Variants in CDH12 observed in about 807,000 individuals in gnomAD.
CDH12 encodes cadherin 12.
Under a neutral mutation model 74.1 loss-of-function variants are expected in CDH12, and 41 were observed. That is an observed-to-expected ratio of 0.55 (90% CI 0.43 to 0.72). The LOEUF (loss-of-function observed/expected upper bound fraction) is 0.72, where lower values mean the gene tolerates loss of function less well. Among genes scored for constraint, CDH12 ranks in the 30% least tolerant of loss-of-function variants. The pLI, the probability that CDH12 is intolerant of heterozygous loss-of-function variation, is 0.00. For synonymous variants in CDH12, 399 were observed against 355.0 expected (o/e 1.12, Z -1.39); for missense variants, 945 against 977.2 (o/e 0.97, Z 0.44).
At chr5:22,242,558 C>G (rs912311219) in intron 3 of CDH12, among the ~76,000 whole-genome samples, 18 of 152,152 alleles carry the variant, frequency 1.2e-4, no homozygotes, top group South Asian at 4.1e-4. Context: ...ATGTTAGGAC[C>G]AGAAATCACT....
At chr5:22,545,948 T>A (rs1738307306) in intron 1 of CDH12, among the ~76,000 whole-genome samples, 1 of 152,088 alleles carries the variant, frequency 6.6e-6, no homozygotes, top group East Asian at 1.9e-4. Context: ...GTTGTTGTTG[T>A]TGTTGTTGCT....
chr5:21,847,336 T>C (rs1467923931), intron 7 of CDH12, among the ~76,000 whole-genome samples: 1 of 152,118 alleles, frequency 6.6e-6, no homozygotes, highest in Non-Finnish European at 1.5e-5. Context: ...CAAAATTTCT[T>C]TCTAAATTAA....
chr5:22,446,245 G>A (rs1176328017), intron 2 of CDH12, among the ~76,000 whole-genome samples: 9 of 151,990 alleles, frequency 5.9e-5, no homozygotes, highest in Admixed American at 3.3e-4. Context: ...TTGATTCGAC[G>A]GTCATCTGCA....
At chr5:22,606,189 C>A (rs1737105998) in intron 1 of CDH12, among the ~76,000 whole-genome samples, 1 of 152,140 alleles carries the variant, frequency 6.6e-6, no homozygotes, top group Non-Finnish European at 1.5e-5. Flanking sequence ...AGTACCAGAT[C>A]TTTGAATTTA....
At chr5:21,871,961 T>C (rs1221954472) in intron 6 of CDH12, among the ~76,000 whole-genome samples, 1 of 152,164 alleles carries the variant, frequency 6.6e-6, no homozygotes, top group African/African-American at 2.4e-5. Flanking sequence ...ATAATAATGA[T>C]ATTGGATCAC....
At chr5:22,508,277 T>C (rs1050427285) in intron 1 of CDH12, among the ~76,000 whole-genome samples, 1 of 152,182 alleles carries the variant, frequency 6.6e-6, no homozygotes, top group Non-Finnish European at 1.5e-5. Flanking sequence ...AGTCATCCCC[T>C]ACAAACCATC....
chr5:22,114,725 G>T (rs1388568674), intron 4 of CDH12, among the ~76,000 whole-genome samples: 1 of 152,110 alleles, frequency 6.6e-6, no homozygotes, highest in Non-Finnish European at 1.5e-5. Flanking sequence ...TGTACATAAG[G>T]ATTCTATTTG....
At chr5:22,391,298 A>G (rs781112588) in intron 3 of CDH12, among the ~76,000 whole-genome samples, 1 of 152,224 alleles carries the variant, frequency 6.6e-6, no homozygotes, top group Non-Finnish European at 1.5e-5. Context: ...CAAAACTCAA[A>G]GGCAAGATAA....
chr5:21,798,315 T>C (rs1746910086), intron 10 of CDH12, among the ~76,000 whole-genome samples: 1 of 151,952 alleles, frequency 6.6e-6, no homozygotes, highest in African/African-American at 2.4e-5. Context: ...TATATGGTTT[T>C]CTGGAACTTA....
At chr5:22,559,877 T>C (rs1738964725) in intron 1 of CDH12, among the ~76,000 whole-genome samples, 1 of 152,192 alleles carries the variant, frequency 6.6e-6, no homozygotes. Context: ...ATGTCATACA[T>C]GATGTAATCC....
intron 3 of CDH12, among the ~76,000 whole-genome samples, chr5:22,347,336 A>T (rs1314369474): frequency 1.3e-5 from 2 of 152,160 alleles, no homozygotes; most frequent in African/African-American, 2.4e-5. Context: ...CTGACTGGCT[A>T]AGTCTCTGGC....
intron 5 of CDH12, among the ~76,000 whole-genome samples, chr5:22,048,675 GGAGAAT>G (rs1227865565): frequency 2.0e-5 from 3 of 152,046 alleles, no homozygotes; most frequent in African/African-American, 4.8e-5. Flanking sequence ...AATTGTGAGA[GGAGAAT>G]GAGAATGAGT....
At chr5:22,830,766 ATTAAC>A (rs1449743066) in intron 1 of CDH12, among the ~76,000 whole-genome samples, 3 of 151,694 alleles carry the variant, frequency 2.0e-5, no homozygotes, top group Admixed American at 6.6e-5. Context: ...ATTTTATTAT[ATTAAC>A]TTAATTTTAA....
chr5:22,791,842 G>A (rs1035923182), intron 1 of CDH12, among the ~76,000 whole-genome samples: 1 of 152,014 alleles, frequency 6.6e-6, no homozygotes, highest in Non-Finnish European at 1.5e-5. Context: ...GGGGAAATCC[G>A]CCTCTGTGAT....
chr5:22,666,542 G>C (rs1039741282), intron 1 of CDH12, among the ~76,000 whole-genome samples: 1 of 151,736 alleles, frequency 6.6e-6, no homozygotes, highest in East Asian at 1.9e-4. Context: ...CGCCCACCTC[G>C]GCCTCCCAAA....
intron 2 of CDH12, among the ~76,000 whole-genome samples, chr5:22,411,164 A>G (rs1580619250): frequency 6.6e-6 from 1 of 152,114 alleles, no homozygotes; most frequent in African/African-American, 2.4e-5. Flanking sequence ...AATCAAAATA[A>G]TGAGTTTATT....
chr5:21,913,612 A>T (rs1753959006), intron 6 of CDH12, among the ~76,000 whole-genome samples: 1 of 152,130 alleles, frequency 6.6e-6, no homozygotes, highest in Non-Finnish European at 1.5e-5. Context: ...ACATATATAA[A>T]ATATTATACA....
chr5:22,003,770 G>A (rs1489553944), intron 5 of CDH12, among the ~76,000 whole-genome samples: 27 of 72,926 alleles, frequency 3.7e-4, no homozygotes, highest in African/African-American at 1.3e-3. Flanking sequence ...ATAAATAAAT[G>A]TTTATTTGTT....
chr5:22,844,541 T>C (rs1217757885), intron 1 of CDH12, among the ~76,000 whole-genome samples: 7 of 152,144 alleles, frequency 4.6e-5, no homozygotes, highest in Admixed American at 1.3e-4. Flanking sequence ...ATAGCTAACA[T>C]CCTTTGGTGT....
Sources: gnomAD v4.1 joint callset for allele counts (sites outside exome capture counted in the v4.1 genomes callset) on GRCh38, gnomAD v4.1.1 for gene constraint, MANE v1.5 for transcripts, NCBI Gene and HGNC (gene_info 2026-07-23, HGNC 2026-07-21) for gene names.